Variants in ACSM5 observed in about 807,000 individuals in gnomAD.
ACSM5 encodes acyl-CoA synthetase medium chain family member 5.
In ACSM5, 56 loss-of-function variants were observed where a neutral mutation model predicts 71.6. The observed-to-expected ratio is 0.78, with a 90% CI of 0.63 to 0.98. The LOEUF (loss-of-function observed/expected upper bound fraction) is 0.98. ACSM5 is among the 50% of genes least tolerant of loss of function. The pLI is 0.00. For synonymous variants in ACSM5, 285 were observed against 281.5 expected (o/e 1.01, Z -0.12); for missense variants, 723 against 726.0 (o/e 1.00, Z 0.05).
intron 4 of ACSM5, among the ~76,000 whole-genome samples, chr16:20,420,391 G>T (rs140397358): frequency 6.6e-6 from 1 of 152,142 alleles, no homozygotes; most frequent in South Asian, 2.1e-4. Context: ...ACCCGAGGTC[G>T]GGAGTTTGAG....
Position 20,433,738 on chromosome 16 carries a change from A to C in ACSM5, c.1308+2417A>C, listed in dbSNP as rs374239270. 8.1e-4 allele frequency among the ~76,000 whole-genome samples: 124 copies of C among 152,200 alleles called. 2 individuals are homozygous for C. The South Asian group carries it at 0.012, about 15-fold the overall frequency. On this transcript the variant is annotated intron_variant, in intron 10 of 13. Transcript: ENST00000331849. ...CACCAAGGCTGGAGTGCAGTGGCAC[A>C]ATCATGGCCACTGCAGCTTTGACTT...
At chr16:20,413,435 G>T (rs985766472) in intron 2 of ACSM5, among the ~76,000 whole-genome samples, 4 of 152,176 alleles carry the variant, frequency 2.6e-5, no homozygotes, top group African/African-American at 7.2e-5. Flanking sequence ...GACCCTACTT[G>T]TAAAACTGTA....
rs766716333 is a variant in ACSM5, at chr16:20,427,775, T to G, written c.922-13T>G. 6.3e-7 allele frequency: 1 copy of G among 1,592,520 alleles called. No individual in the cohort carries two copies. The highest frequency in any genetic ancestry group is 1.1e-5 in the South Asian group (1 of 90,588). On this transcript the variant is annotated splice_polypyrimidine_tract_variant and intron_variant, in intron 6 of 13. Transcript: ENST00000331849. Reference sequence around the variant, plus strand: ...GATTCTAAGGACATCTTTCACCCTTTGTTTTTGTTTAGACTCTCTCCAAAT... The same window carrying G: ...GATTCTAAGGACATCTTTCACCCTTGGTTTTTGTTTAGACTCTCTCCAAAT...
At chr16:20,423,300 C>T (rs1250327567) in intron 5 of ACSM5, among the ~76,000 whole-genome samples, 5 of 152,176 alleles carry the variant, frequency 3.3e-5, no homozygotes, top group African/African-American at 1.2e-4. Flanking sequence ...TGCATGACCG[C>T]TTTTTATGTC....
chr16:20,426,353 T>C (rs1966980086), intron 6 of ACSM5, among the ~76,000 whole-genome samples: 1 of 152,220 alleles, frequency 6.6e-6, no homozygotes, highest in Non-Finnish European at 1.5e-5. Context: ...ACACAAGCAT[T>C]TATCTCACAG....
rs188904529 is a variant in ACSM5, at chr16:20,417,150, G to A, written c.205-909G>A. ...TGGAAAACAGTTTGGCAGTTCCTCC[G>A]AAAGTTAACATAGAGTTATTATAAT... On this transcript the variant is annotated intron_variant, in intron 2 of 13. Coordinates refer to ENST00000331849, the MANE Select transcript of ACSM5 (RefSeq NM_017888.3). Among the ~76,000 whole-genome samples, 609 of 152,166 alleles carry A rather than the reference G, an allele frequency of 4.0e-3. 4 individuals are homozygous for A. Among genetic ancestry groups the A allele is most frequent in the African/African-American group, 0.014 (570 of 41,522 alleles).
intron 5 of ACSM5, among the ~76,000 whole-genome samples, chr16:20,422,351 C>A (rs1215883321): frequency 1.3e-5 from 2 of 152,112 alleles, no homozygotes; most frequent in African/African-American, 4.8e-5. Flanking sequence ...ACCTCATGAT[C>A]CTCACGCCTT....
chr16:20,430,243 T>A (rs71373188), intron 8 of ACSM5, among the ~76,000 whole-genome samples: 13,076 of 150,522 alleles, frequency 0.087, 702 homozygotes, highest in East Asian at 0.19. Context: ...ACACTACTTA[T>A]AAATTAAAAA....
In ACSM5 at chr16:20,441,168, G is replaced by A. The variant is rs1393547934; in HGVS notation, c.*741G>A. 2 of 152,242 alleles carry A rather than the reference G, an allele frequency of 1.3e-5. No homozygotes were observed. Among genetic ancestry groups the A allele is most frequent in the Admixed American group, 1.3e-4 (2 of 15,286 alleles). 9.4% of individuals were successfully genotyped at this position (152,242 alleles called of 1,614,324 possible). ...GAGAATCCCAACTCTGAAAAATAAA[G>A]GGAAAACTGTGGTTAATTGTAATCC... On this transcript the variant is annotated 3_prime_UTR_variant, in exon 14 of 14. Coordinates refer to ENST00000331849, the MANE Select transcript of ACSM5 (RefSeq NM_017888.3).
intron 8 of ACSM5, 22 bp downstream of exon 8, chr16:20,429,823 TC>T (rs1179515683): frequency 3.7e-6 from 6 of 1,610,304 alleles, no homozygotes; most frequent in Non-Finnish European, 3.4e-6. Flanking sequence ...AGGGGCCAGG[TC>T]CCTACCCCCC....
At chr16:20,438,411 T>G (rs8059949) in intron 12 of ACSM5, among the ~76,000 whole-genome samples, 54,885 of 146,480 alleles carry the variant, frequency 0.37, 11,343 homozygotes, top group East Asian at 0.79. Context: ...AAATCATGAT[T>G]ACTGGGAATG....
intron 5 of ACSM5, among the ~76,000 whole-genome samples, chr16:20,421,955 GTC>G (rs1405474365): frequency 6.6e-6 from 1 of 151,932 alleles, no homozygotes. Context: ...GCATCATGCA[GTC>G]TGTCCTTTTG....
intron 1 of ACSM5, among the ~76,000 whole-genome samples, chr16:20,410,381 C>T (rs1049660290): frequency 6.6e-6 from 1 of 152,130 alleles, no homozygotes; most frequent in Non-Finnish European, 1.5e-5. Flanking sequence ...TCTAATTCTA[C>T]ATATGTAGGG....
In ACSM5 at chr16:20,418,171, T is replaced by TG; in HGVS notation, c.323dup (p.Ala109CysfsTer62). The TG allele has an allele frequency of 3.1e-6, 5 of 1,613,364 alleles. No homozygotes were observed. Among genetic ancestry groups the TG allele is most frequent in the Non-Finnish European group, 4.2e-6 (5 of 1,179,892 alleles). The stretch of plus-strand genomic sequence containing the variant: ...CAGTCCAGGAAGGCAGCCAATGTGC[T>TG]GGGGGGTGCATGCGGCCTGCAGCCT... On this transcript the variant is annotated frameshift_variant, in exon 3 of 14. Coordinates refer to ENST00000331849, the MANE Select transcript of ACSM5 (RefSeq NM_017888.3). LOFTEE classifies it high-confidence loss of function.
intron 1 of ACSM5, among the ~76,000 whole-genome samples, chr16:20,409,932 A>AGGTGAGGGGCGGGAGG (rs1966844401): frequency 7.6e-6 from 1 of 130,856 alleles, no homozygotes; most frequent in Non-Finnish European, 1.6e-5. Flanking sequence ...GGGGCGGGAG[A>AGGTGAGGGGCGGGAGG]GGTGGGTCAG....
In ACSM5 at chr16:20,427,771, C is replaced by T. The variant is rs763341140; in HGVS notation, c.922-17C>T. The T allele has an allele frequency of 2.5e-6, 4 of 1,574,634 alleles. No individual in the cohort carries two copies. The highest frequency in any genetic ancestry group is 1.7e-5 in the Admixed American group (1 of 59,926). ...CAATGATTCTAAGGACATCTTTCACCCTTTGTTTTTGTTTAGACTCTCTCC... is the reference window on the plus strand; with the variant it reads ...CAATGATTCTAAGGACATCTTTCACTCTTTGTTTTTGTTTAGACTCTCTCC... On this transcript the variant is annotated splice_polypyrimidine_tract_variant and intron_variant, in intron 6 of 13. Coordinates refer to ENST00000331849, the MANE Select transcript of ACSM5 (RefSeq NM_017888.3).
chr16:20,419,612 T>C (rs1736205672), intron 4 of ACSM5, 177 bp downstream of exon 4: 1 of 629,780 alleles, frequency 1.6e-6, no homozygotes, highest in African/African-American at 1.8e-5. Flanking sequence ...TCAAGGTCCC[T>C]CATTCAGTCA....
At chr16:20,417,418 G>A (rs989577026) in intron 2 of ACSM5, among the ~76,000 whole-genome samples, 1 of 152,126 alleles carries the variant, frequency 6.6e-6, no homozygotes, top group Non-Finnish European at 1.5e-5. Context: ...GATAAATCTT[G>A]AAAGCATTGT....
At chr16:20,419,819 T>C (rs1966870421) in intron 4 of ACSM5, 2 of 267,956 alleles carry the variant, frequency 7.5e-6, no homozygotes, top group Non-Finnish European at 1.4e-5. Context: ...ATGTAAGCCT[T>C]CACCTTCATT....
Sources: gnomAD v4.1 joint callset for allele counts (sites outside exome capture counted in the v4.1 genomes callset) on GRCh38, gnomAD v4.1.1 for gene constraint, MANE v1.5 for transcripts, NCBI Gene and HGNC (gene_info 2026-07-23, HGNC 2026-07-21) for gene names.